Variants in SEMA4B observed in about 807,000 individuals in gnomAD.
The protein encoded by SEMA4B is semaphorin 4B.
Under a neutral mutation model 88.1 loss-of-function variants are expected in SEMA4B, and 55 were observed. That is an observed-to-expected ratio of 0.62 (90% CI 0.50 to 0.78). The LOEUF (loss-of-function observed/expected upper bound fraction) is 0.78, where lower values mean the gene tolerates loss of function less well. Ranked by LOEUF, SEMA4B falls within the 30% of genes least tolerant of loss-of-function variation. The pLI is 0.00. For synonymous variants in SEMA4B, 525 were observed against 473.6 expected, an observed-to-expected ratio of 1.11 and a Z score of -1.41; for missense variants, 1,062 against 1,111.9, an observed-to-expected ratio of 0.96 and a Z score of 0.64.
intron 9 of SEMA4B, 145 bp from the exon 10 acceptor site, chr15:90,224,823 C>G (rs1962054976): frequency 2.9e-6 from 2 of 695,806 alleles, no homozygotes; most frequent in African/African-American, 3.5e-5. Flanking sequence ...GATGTGCACA[C>G]TGGCTCTGTA....
chr15:90,217,340 C>G, intron 1 of SEMA4B, 99 bp from the exon 2 acceptor site: 2 of 1,296,344 alleles, frequency 1.5e-6, no homozygotes, highest in Non-Finnish European at 2.1e-6. Context: ...CTTTGCCTTG[C>G]TGATTACCTT....
At chr15:90,192,756 A>G (rs1411450794) in intron 1 of SEMA4B, among the ~76,000 whole-genome samples, 1 of 151,800 alleles carries the variant, frequency 6.6e-6, no homozygotes, top group Non-Finnish European at 1.5e-5. Flanking sequence ...ATGCCTGGCT[A>G]ATTTTTGTAC....
chr15:90,217,708 G>A (rs1433303797), intron 2 of SEMA4B, 59 bp from the exon 3 acceptor site: 1 of 1,599,284 alleles, frequency 6.3e-7, no homozygotes, highest in Admixed American at 1.7e-5. Context: ...TATGGGAGAG[G>A]AGGGAGGCTC....
intron 1 of SEMA4B, among the ~76,000 whole-genome samples, chr15:90,210,382 G>C (rs1171806202): frequency 1.3e-5 from 2 of 152,180 alleles, no homozygotes; most frequent in Non-Finnish European, 2.9e-5. Flanking sequence ...GAGCATGGAC[G>C]TGTGACCCAG....
rs761268514 is a variant in SEMA4B at position 90,225,663 on chromosome 15, G to A, written c.1524G>A (p.Gly508=). The part of the protein sequence containing the change: ...VQNLLLDTHR[G]LLYAASHSGV... ...CATCCCCGTGTCTGGCTGTGCAGGG[G>A]CTGCTGTATGCGGCCTCACACTCGG... The change falls in exon 12 of 14, where the codon GGG becomes GGA. Residue 508 remains glycine (G), a splice_region_variant and synonymous_variant. Coordinates refer to ENST00000411539, the MANE Select transcript of SEMA4B (RefSeq NM_198925.4). 5 of 1,562,976 alleles carry A rather than the reference G, an allele frequency of 3.2e-6. No homozygotes were observed. The Admixed American group carries it at 9.4e-5, about 29-fold the overall frequency.
intron 1 of SEMA4B, among the ~76,000 whole-genome samples, chr15:90,210,864 G>A (rs1271530685): frequency 6.6e-6 from 1 of 152,148 alleles, no homozygotes; most frequent in Non-Finnish European, 1.5e-5. Flanking sequence ...GAAGGTGAGA[G>A]GCAGAGATGG....
chr15:90,197,189 C>T (rs148753485), upstream of SEMA4B, among the ~76,000 whole-genome samples: 770 of 152,072 alleles, frequency 5.1e-3, 4 homozygotes, highest in Middle Eastern at 0.014. Context: ...GAGTTTGAGA[C>T]CAGCCTGGGC....
chr15:90,219,777 C>A lies in SEMA4B; in HGVS notation c.385-16C>A. The A allele has an allele frequency of 1.2e-6, 2 of 1,606,014 alleles. No homozygotes were observed. Among genetic ancestry groups the A allele is most frequent in the East Asian group, 2.2e-5 (1 of 44,808 alleles). ...CTTGGGCGTGGGACTGATATCCCCT[C>A]GCTCCTTCCCCCCAGCGCGACTGTC... On this transcript the variant is annotated splice_polypyrimidine_tract_variant and intron_variant, in intron 3 of 13. Transcript: ENST00000411539.
chr15:90,207,784 G>A (rs1439838477), intron 1 of SEMA4B, among the ~76,000 whole-genome samples: 1 of 152,174 alleles, frequency 6.6e-6, no homozygotes, highest in Non-Finnish European at 1.5e-5. Context: ...CGGGGCAGGG[G>A]ATCCAGCCGA....
chr15:90,220,886 CAG>C lies in SEMA4B; in HGVS notation c.484-93_484-92del, dbSNP rs201192779. 616 of 761,492 alleles carry C rather than the reference CAG, an allele frequency of 8.1e-4. 3 individuals are homozygous for C. In the African/African-American group the frequency reaches 9.6e-3, roughly 12 times the overall value. The allele number at this position is 761,492 out of a possible 1,614,324, so 47.2% of individuals were successfully genotyped here. On this transcript the variant is annotated intron_variant, in intron 4 of 13. Transcript: ENST00000411539. ...CTGTCCCACACACCTCACCTGCCTG[CAG>C]AGTTGCCTTCTCCTGCACGCCTCTC...
Position 90,221,740 on chromosome 15 carries a change from T to C in SEMA4B, c.836T>C (p.Val279Ala). 1 of 1,613,946 alleles carries C rather than the reference T, an allele frequency of 6.2e-7. No individual in the cohort carries two copies. Among genetic ancestry groups the C allele is most frequent in the Non-Finnish European group, 8.5e-7 (1 of 1,179,888 alleles). ...TTTGAGTTCTTTGAGAACACCATTG[T>C]GTCCCGCATTGCCCGCATCTGCAAG... is the stretch of plus-strand genomic sequence containing the variant. ...QEFEFFENTI[V>A]SRIARICKGD... The change falls in exon 7 of 14, where the codon GTG (valine) becomes GCG (alanine). Residue 279 changes from valine (V) to alanine (A), a missense_variant. Transcript: ENST00000411539.
intron 12 of SEMA4B, chr15:90,227,217 T>C (rs1378196427): frequency 4.1e-6 from 1 of 246,692 alleles, no homozygotes; most frequent in South Asian, 5.9e-5. Flanking sequence ...CTGGCTAATT[T>C]TTCTATTTTT....
chr15:90,227,704 C>G (rs1212939631), intron 13 of SEMA4B, 62 bp downstream of exon 13: 2 of 1,553,554 alleles, frequency 1.3e-6, no homozygotes, highest in Admixed American at 3.5e-5. Flanking sequence ...GGAAGGCTCC[C>G]CCAGGCACAG....
chr15:90,196,959 G>A (rs1369712636), upstream of SEMA4B, among the ~76,000 whole-genome samples: 4 of 152,098 alleles, frequency 2.6e-5, no homozygotes, highest in African/African-American at 7.2e-5. Context: ...AGCTGGTTCC[G>A]ATGTCCTTTG....
Position 90,201,708 on chromosome 15 carries a change from C to T in SEMA4B, c.130C>T (p.Leu44Phe). 6.7e-7 allele frequency: 1 copy of T among 1,496,454 alleles called. No homozygotes were observed. Among genetic ancestry groups the T allele is most frequent in the South Asian group, 1.2e-5 (1 of 80,302 alleles). The allele number at this position is 1,496,454 out of a possible 1,614,324, so 92.7% of individuals were successfully genotyped here. The change falls in exon 1 of 14, where the codon CTC becomes TTC. Residue 44 changes from leucine to phenylalanine, a missense_variant. Transcript: ENST00000411539. ...LLQPPPPTWA[L>F]SPRISLPLGS... ...GCAGCCGCCGCCTCCGACCTGGGCG[C>T]TCAGCCCCCGGATCAGCCTGCCTCT...
intron 5 of SEMA4B, 58 bp from the exon 6 acceptor site, chr15:90,221,309 A>C: frequency 5.0e-6 from 7 of 1,412,398 alleles, no homozygotes. Context: ...CTGGGCCCTG[A>C]GCAGGGAGAA....
At position 90,220,086 on chromosome 15, in the gene SEMA4B, G is replaced by T. The variant is rs1961733496; in HGVS notation, c.483+195G>T. 7 of 538,142 alleles carry T rather than the reference G, an allele frequency of 1.3e-5. No individual in the cohort carries two copies. In the South Asian group the frequency reaches 1.9e-4, roughly 14 times the overall value. The allele number at this position is 538,142 out of a possible 1,614,324, so 33.3% of individuals were successfully genotyped here. The stretch of plus-strand genomic sequence containing the variant: ...GCAGCCCTGACAGCCATGTCTCCCT[G>T]TGCGGGGAGGCGGGGGCACATGCGG... On this transcript the variant is annotated intron_variant, in intron 4 of 13. Coordinates refer to ENST00000411539, the MANE Select transcript of SEMA4B (RefSeq NM_198925.4).
chr15:90,229,492 G>T lies in SEMA4B; in HGVS notation c.*849G>T, dbSNP rs1159723292. On this transcript the variant is annotated 3_prime_UTR_variant, in exon 14 of 14. Coordinates refer to ENST00000411539, the MANE Select transcript of SEMA4B (RefSeq NM_198925.4). ...AAACACGAGGAACTAACTGCACCCT[G>T]GTCCTCTCCCCAGTCCCCAGTTCAC... 1 of 431,460 alleles carries T rather than the reference G, an allele frequency of 2.3e-6. No homozygotes were observed. Among genetic ancestry groups the T allele is most frequent in the East Asian group, 7.0e-5 (1 of 14,308 alleles). The allele number at this position is 431,460 out of a possible 1,614,324, so 26.7% of individuals were successfully genotyped here. A position where few individuals can be genotyped will look rare whatever the true frequency, so the allele number is the denominator to read the frequency against.
At chr15:90,203,951 G>T (rs111432708) in intron 1 of SEMA4B, among the ~76,000 whole-genome samples, 4,479 of 152,228 alleles carry the variant, frequency 0.029, 197 homozygotes, top group African/African-American at 0.1. Context: ...ACCCTGGAGT[G>T]CCCCCTCTCT....
Sources: allele counts gnomAD v4.1 joint callset (sites outside exome capture counted in the v4.1 genomes callset), GRCh38; gene constraint gnomAD v4.1.1; transcripts MANE v1.5; gene names NCBI Gene and HGNC (gene_info 2026-07-23, HGNC 2026-07-21).